Variants in BCL9L observed in about 807,000 individuals in gnomAD.
BCL9L encodes B-cell CLL/lymphoma 9-like protein.
Under a neutral mutation model 99.4 loss-of-function variants are expected in BCL9L, and 19 were observed. The ratio of observed to expected loss-of-function variants is 0.19; its 90% CI spans 0.13 to 0.28. BCL9L has a LOEUF of 0.28. Among genes scored for constraint, BCL9L ranks in the 10% least tolerant of loss-of-function variants. The pLI, the probability that BCL9L is intolerant of heterozygous loss-of-function variation, is 1.00. For missense variants in BCL9L, 2,023 were observed against 2,101.6 expected, an observed-to-expected ratio of 0.96 and a Z score of 0.73; for synonymous variants, 900 against 854.8, an observed-to-expected ratio of 1.05 and a Z score of -0.92.
At position 118,902,953 on chromosome 11, in the gene BCL9L, C is replaced by A; in HGVS notation, c.834+37G>T. The A allele has an allele frequency of 6.3e-7, 1 of 1,595,140 alleles. No individual in the cohort carries two copies. On this transcript the variant is annotated intron_variant, in intron 7 of 9. Coordinates refer to ENST00000683865, the MANE Select transcript of BCL9L (RefSeq NM_001378213.1). This position sits in a 1 kb window ranked among gnomAD's most constrained non-coding sequence, Gnocchi z 7.8. Reference sequence around the variant, plus strand: ...GCATGAGACAGGTAAGGGGACGTTCCACCCAGTCCTGCTGCTCACAGAGGC... The same window carrying A: ...GCATGAGACAGGTAAGGGGACGTTCAACCCAGTCCTGCTGCTCACAGAGGC...
Position 118,900,809 on chromosome 11 carries a change from G to C in BCL9L, c.2934C>G (p.Val978=). 2 of 1,613,932 alleles carry C rather than the reference G, an allele frequency of 1.2e-6. No homozygotes were observed. Among genetic ancestry groups the C allele is most frequent in the African/African-American group, 1.3e-5 (1 of 75,048 alleles). ...AACGGACACTGAGGGAGGAGCCGAG[G>C]ACCTGGGGCGACTTGAGAGGTCCTG... The part of the protein sequence containing the change: ...NPPGPLKSPQ[V]LGSSLSVRSP... Residue 978 remains valine, a synonymous_variant, in exon 8 of 10, where the codon GTC becomes GTG. Coordinates refer to ENST00000683865, the MANE Select transcript of BCL9L (RefSeq NM_001378213.1). The surrounding 1 kb of genome is among the most constrained non-coding windows in gnomAD (Gnocchi z 5.3).
Position 118,902,794 on chromosome 11 carries a change from C to A in BCL9L, c.949G>T (p.Ala317Ser). 1 of 1,565,432 alleles carries A rather than the reference C, an allele frequency of 6.4e-7. No individual in the cohort carries two copies. The highest frequency in any genetic ancestry group is 8.6e-7 in the Non-Finnish European group (1 of 1,162,808). The change falls in exon 8 of 10, where the codon GCC (alanine) becomes TCC (serine). Residue 317 changes from alanine (A) to serine (S), a missense_variant. By Grantham distance (99) the Ala-to-Ser change is moderately conservative. Coordinates refer to ENST00000683865, the MANE Select transcript of BCL9L (RefSeq NM_001378213.1). The surrounding 1 kb of genome is among the most constrained non-coding windows in gnomAD (Gnocchi z 7.8). ...CCCTCTGGGGGCAGAGCAGGCGGGG[C>A]ACTGCCAGGGGCCGGGGGTGGCGGC... The part of the protein sequence containing the change: ...PPPPPPAPGS[A>S]PPALPPEGPP...
In BCL9L at chr11:118,897,813, A is replaced by G. The variant is rs1939981154; in HGVS notation, c.*602T>C. ...CAGAAATACAGCACACGCACAAACC[A>G]GCACAAAAGCGCAGCGCTCTATTTA... On this transcript the variant is annotated 3_prime_UTR_variant, in exon 10 of 10. Coordinates refer to ENST00000683865, the MANE Select transcript of BCL9L (RefSeq NM_001378213.1). 6.6e-6 allele frequency: 3 copies of G among 456,178 alleles called. No individual in the cohort carries two copies. The highest frequency in any genetic ancestry group is 2.4e-5 in the Admixed American group (1 of 42,510). The allele number at this position is 456,178 out of a possible 1,614,324, so 28.3% of individuals were successfully genotyped here.
Position 118,900,263 on chromosome 11 carries a change from G to A in BCL9L, c.3125-65C>T. 1 of 1,468,978 alleles carries A rather than the reference G, an allele frequency of 6.8e-7. No homozygotes were observed. Among genetic ancestry groups the A allele is most frequent in the Non-Finnish European group, 9.1e-7 (1 of 1,101,284 alleles). The allele number at this position is 1,468,978 out of a possible 1,614,324, so 91.0% of individuals were successfully genotyped here. On this transcript the variant is annotated intron_variant, in intron 8 of 9. Transcript: ENST00000683865. This position sits in a 1 kb window ranked among gnomAD's most constrained non-coding sequence, Gnocchi z 5.3. Reference sequence around the variant, plus strand: ...GGAGGGGCAGATGAGTTTGGCTGTGGATATGGGGAGGTTTAGGAAGCGGTC... The same window carrying A: ...GGAGGGGCAGATGAGTTTGGCTGTGAATATGGGGAGGTTTAGGAAGCGGTC...
rs938094425 is a variant in BCL9L, at chr11:118,914,354, C to T, written c.-76-4339G>A. ...GCAGCAGACTGCTGGCACAGCCAAG[C>T]GCACCACGGTGGGACCTCACCCAGC... On this transcript the variant is annotated intron_variant, in intron 2 of 9. Coordinates refer to ENST00000683865, the MANE Select transcript of BCL9L (RefSeq NM_001378213.1). This position sits in a 1 kb window ranked among gnomAD's most constrained non-coding sequence, Gnocchi z 4.4. 6.6e-5 allele frequency among the ~76,000 whole-genome samples: 10 copies of T among 152,130 alleles called. No homozygotes were observed. The highest frequency in any genetic ancestry group is 9.7e-5 in the African/African-American group (4 of 41,422).
At chr11:118,911,406 C>G in intron 2 of BCL9L, 1 of 384,878 alleles carries the variant, frequency 2.6e-6, no homozygotes, top group Non-Finnish European at 5.4e-6. Context: ...AACCCTAGGG[C>G]ACATTGGCCT....
chr11:118,904,738 G>A (rs1013385600), intron 5 of BCL9L, among the ~76,000 whole-genome samples: 10 of 152,222 alleles, frequency 6.6e-5, no homozygotes, highest in Non-Finnish European at 1.5e-5. Context: ...TCCAGCCAGG[G>A]CAGTGACCAC....
Position 118,902,117 on chromosome 11 carries a change from C to G in BCL9L, c.1626G>C (p.Gly542=). The G allele has an allele frequency of 6.2e-7, 1 of 1,614,122 alleles. No individual in the cohort carries two copies. ...CCATCATGTCCTGCAGAGGACGGCT[C>G]CCATGCAGCCCAATCTGTTCCTCTT... ...RRKEEQIGLH[G]SRPLQDMMGM... The change falls in exon 8 of 10, where the codon GGG becomes GGC. Residue 542 remains glycine, a synonymous_variant. Transcript: ENST00000683865. The surrounding 1 kb of genome is among the most constrained non-coding windows in gnomAD (Gnocchi z 7.8).
intron 2 of BCL9L, among the ~76,000 whole-genome samples, chr11:118,917,512 A>G (rs1434218719): frequency 1.3e-5 from 2 of 152,206 alleles, no homozygotes; most frequent in African/African-American, 4.8e-5. Context: ...TTGAATTCAG[A>G]CACCCTGGCA....
intron 3 of BCL9L, 72 bp from the exon 4 acceptor site, chr11:118,908,727 C>T: frequency 7.2e-7 from 1 of 1,382,188 alleles, no homozygotes. Context: ...CTTAATTACC[C>T]CATCCTGCCT....
rs1941261781 is a variant in BCL9L, at chr11:118,925,706, T to TCCGGGTCGCGGACG, written c.-600_-599insCGTCCGCGACCCGG. ...TCTGGGCGCTTATTGTTGGTCGGACTCCGAGGGTCCGGGTCACAGCCCCCG... is the reference window on the plus strand; with the variant it reads ...TCTGGGCGCTTATTGTTGGTCGGACTCCGGGTCGCGGACGCCGAGGGTCCGGGTCACAGCCCCCG... On this transcript the variant is annotated 5_prime_UTR_variant, in exon 1 of 10. Transcript: ENST00000683865. This position sits in a 1 kb window ranked among gnomAD's most constrained non-coding sequence, Gnocchi z 6.4. 1 of 150,558 alleles carries TCCGGGTCGCGGACG rather than the reference T, an allele frequency of 6.6e-6. No individual in the cohort carries two copies. Among genetic ancestry groups the TCCGGGTCGCGGACG allele is most frequent in the Non-Finnish European group, 1.5e-5 (1 of 67,580 alleles). 9.3% of individuals were successfully genotyped at this position (150,558 alleles called of 1,614,324 possible).
chr11:118,901,391 C>T lies in BCL9L; in HGVS notation c.2352G>A (p.Leu784=), dbSNP rs1435738271. ...GCTGCTGCGGGGTCATCTGCACGTT[C>T]AGGTTCATGTTCATGTTCATGTTGA... The part of the protein sequence containing the change: ...MNVNMNMNMN[L]NVQMTPQQQM... The change falls in exon 8 of 10, where the codon CTG becomes CTA. Residue 784 remains leucine, a synonymous_variant. Transcript: ENST00000683865. This position sits in a 1 kb window ranked among gnomAD's most constrained non-coding sequence, Gnocchi z 6.6. The T allele has an allele frequency of 1.9e-6, 3 of 1,613,876 alleles. No individual in the cohort carries two copies. In the South Asian group the frequency reaches 3.3e-5, roughly 18 times the overall value.
intron 5 of BCL9L, among the ~76,000 whole-genome samples, chr11:118,904,420 A>T (rs190009399): frequency 6.6e-6 from 1 of 152,370 alleles, no homozygotes; most frequent in Admixed American, 6.5e-5. Flanking sequence ...AGCCAGGGCG[A>T]CAGAGCGAGA....
chr11:118,924,435 T>C lies in BCL9L; in HGVS notation c.-131+803A>G, dbSNP rs926357038. On this transcript the variant is annotated intron_variant, in intron 1 of 9. Transcript: ENST00000683865. ...GGAAGCTGGACAGACAGACAGTAGC[T>C]GATCCTAGCTTCATTGCTCCAGAGA... 5.3e-5 allele frequency among the ~76,000 whole-genome samples: 8 copies of C among 151,910 alleles called. 1 individual carries two copies. Among genetic ancestry groups the C allele is most frequent in the Admixed American group, 2.6e-4 (4 of 15,248 alleles).
Position 118,900,021 on chromosome 11 carries a change from G to A in BCL9L, c.3302C>T (p.Pro1101Leu), listed in dbSNP as rs981349184. Residue 1101 changes from proline to leucine, a missense_variant, in exon 9 of 10, where the codon CCG (proline) becomes CTG (leucine). Around this residue, in one of 3 missense-constraint regions of BCL9L, gnomAD observed 902 missense variants for 888.2 expected, o/e 1.02. Transcript: ENST00000683865. This position sits in a 1 kb window ranked among gnomAD's most constrained non-coding sequence, Gnocchi z 5.3. Reference protein sequence around the residue: ...MSKYAMPSSTPLYHNAIKTIA... With the variant: ...MSKYAMPSSTLLYHNAIKTIA... ...GGTCTTGATGGCATTGTGGTAGAGCGGGGTGGAGCTGGGCATGGCGTACTT... is the reference window on the plus strand; with the variant it reads ...GGTCTTGATGGCATTGTGGTAGAGCAGGGTGGAGCTGGGCATGGCGTACTT... 9 of 1,613,970 alleles carry A rather than the reference G, an allele frequency of 5.6e-6. No individual in the cohort carries two copies. Among genetic ancestry groups the A allele is most frequent in the African/African-American group, 2.7e-5 (2 of 74,900 alleles).
Position 118,898,488 on chromosome 11 carries a change from T to G in BCL9L, c.4427A>C (p.Gln1476Pro). 6.2e-7 allele frequency: 1 copy of G among 1,603,088 alleles called. No homozygotes were observed. Among genetic ancestry groups the G allele is most frequent in the Non-Finnish European group, 8.5e-7 (1 of 1,172,032 alleles). ...QNLMVSHPLR[Q>P]RSVSLDSQMG... ...CTGGCTGTCCAGGGACACACTGCGC[T>G]GCCGAAGGGGGTGGGACACCATGAG... Residue 1476 changes from glutamine to proline, a missense_variant, in exon 10 of 10, where the codon CAG (glutamine) becomes CCG (proline). Transcript: ENST00000683865.
rs751470757 is a variant in BCL9L, at chr11:118,899,983, C to T, written c.3340G>A (p.Asp1114Asn). 1.2e-6 allele frequency: 2 copies of T among 1,613,946 alleles called. No individual in the cohort carries two copies. Among genetic ancestry groups the T allele is most frequent in the Non-Finnish European group, 1.7e-6 (2 of 1,179,998 alleles). The change falls in exon 9 of 10, where the codon GAC (aspartate) becomes AAC (asparagine). Residue 1114 changes from aspartate to asparagine, a missense_variant. Asp to Asn is a conservative substitution (Grantham distance 23, BLOSUM62 1). Transcript: ENST00000683865. Reference protein sequence around the residue: ...HNAIKTIATSDDELLPDRPLL... With the variant: ...HNAIKTIATSNDELLPDRPLL... ...GGCCGGTCGGGCAGCAGCTCGTCGT[C>T]TGAGGTGGCGATGGTCTTGATGGCA... is the stretch of plus-strand genomic sequence containing the variant.
rs753349237 is a variant in BCL9L, at chr11:118,907,617, C to T, written c.413-15G>A. ...CGGCGCCACCTCTGCCCAGGCAGGA[C>T]GGAGGAAAGAGTGAGTGCCTAGAGG... On this transcript the variant is annotated splice_polypyrimidine_tract_variant and intron_variant, in intron 4 of 9. Transcript: ENST00000683865. 1.5e-5 allele frequency: 24 copies of T among 1,609,788 alleles called. No individual in the cohort carries two copies. Among genetic ancestry groups the T allele is most frequent in the East Asian group, 4.5e-5 (2 of 44,890 alleles).
chr11:118,907,661 C>T lies in BCL9L; in HGVS notation c.413-59G>A, dbSNP rs912041338. ...CTAGAGGCCCCATTATTCTCCCACA[C>T]CCAGGGTCCCTCCCAGATCCATTCT... On this transcript the variant is annotated intron_variant, in intron 4 of 9. Coordinates refer to ENST00000683865, the MANE Select transcript of BCL9L (RefSeq NM_001378213.1). 2.1e-5 allele frequency: 33 copies of T among 1,596,128 alleles called. 1 individual carries two copies. The East Asian group carries it at 7.4e-4, about 36-fold the overall frequency.
Sources: allele counts gnomAD v4.1 joint callset (sites outside exome capture counted in the v4.1 genomes callset), GRCh38; gene constraint gnomAD v4.1.1; regional missense constraint gnomAD v4.1.1; non-coding constraint Gnocchi (gnomAD v3.1); transcripts MANE v1.5; gene names NCBI Gene and HGNC (gene_info 2026-07-23, HGNC 2026-07-21).